SHC4: variants seen among roughly 807,000 people sequenced by gnomAD.
The protein encoded by SHC4 is SHC adaptor protein 4, also known as SHC-transforming protein 4.
Under a neutral mutation model 69.4 loss-of-function variants are expected in SHC4, and 41 were observed. The observed-to-expected ratio is 0.59, with a 90% CI of 0.46 to 0.77. The LOEUF is 0.77. Among genes scored for constraint, SHC4 ranks in the 30% least tolerant of loss-of-function variants. SHC4 has a pLI of 0.00. For missense variants in SHC4, 777 were observed against 783.8 expected (o/e 0.99, Z 0.10); for synonymous variants, 318 against 299.3 (o/e 1.06, Z -0.64).
chr15:48,872,692 G>C (rs1008369279), intron 4 of SHC4, among the ~76,000 whole-genome samples: 30 of 152,154 alleles, frequency 2.0e-4, no homozygotes, highest in African/African-American at 6.5e-4. Context: ...AAGTTAGTTT[G>C]AATTTGATTT....
At chr15:48,953,583 G>A (rs1036252749) in intron 1 of SHC4, among the ~76,000 whole-genome samples, 1 of 152,126 alleles carries the variant, frequency 6.6e-6, no homozygotes, top group African/African-American at 2.4e-5. Context: ...TCATTGTGAG[G>A]TAATTGATGC....
chr15:48,826,573 C>T (rs1402713057), intron 11 of SHC4, among the ~76,000 whole-genome samples: 1 of 152,152 alleles, frequency 6.6e-6, no homozygotes, highest in Non-Finnish European at 1.5e-5. Flanking sequence ...TTCCTCATTA[C>T]CATTTTAAAG....
chr15:48,882,036 G>C lies in SHC4; in HGVS notation c.840+2212C>G, dbSNP rs544084939. ...GTCCAAAGCATATCTTAGAAATTAA[G>C]TGGGGATGGGGAAGGCATTAGTATT... On this transcript the variant is annotated intron_variant, in intron 4 of 11. Transcript: ENST00000332408. 4.3e-4 allele frequency among the ~76,000 whole-genome samples: 66 copies of C among 152,252 alleles called. 2 individuals carry two copies. In the South Asian group the frequency reaches 0.011, roughly 25 times the overall value.
intron 1 of SHC4, among the ~76,000 whole-genome samples, chr15:48,942,213 T>A (rs1340951391): frequency 6.6e-6 from 1 of 152,274 alleles, no homozygotes; most frequent in Middle Eastern, 3.4e-3. Flanking sequence ...ATAAAAACTT[T>A]GTGATGGACG....
At position 48,916,139 on chromosome 15, in the gene SHC4, T is replaced by G. The variant is rs561882314; in HGVS notation, c.656+8740A>C. On this transcript the variant is annotated intron_variant, in intron 2 of 11. Transcript: ENST00000332408. ...GTTTTCAAACATATCTTAATTTAGCTACCTAATATACAGATATTTGACCTC... is the reference window on the plus strand; with the variant it reads ...GTTTTCAAACATATCTTAATTTAGCGACCTAATATACAGATATTTGACCTC... 7.7e-4 allele frequency among the ~76,000 whole-genome samples: 117 copies of G among 152,300 alleles called. 1 individual carries two copies. Among genetic ancestry groups the G allele is most frequent in the Non-Finnish European group, 1.5e-3 (103 of 68,028 alleles).
chr15:48,915,988 C>T (rs2141019457), intron 2 of SHC4, among the ~76,000 whole-genome samples: 1 of 152,262 alleles, frequency 6.6e-6, no homozygotes, highest in African/African-American at 2.4e-5. Flanking sequence ...CAAGTCAACA[C>T]AGAATCCACA....
intron 2 of SHC4, among the ~76,000 whole-genome samples, chr15:48,913,078 C>T (rs1363215254): frequency 6.6e-6 from 1 of 151,938 alleles, no homozygotes; most frequent in East Asian, 1.9e-4. Context: ...TGGCCTCCTG[C>T]CAGGAGGTGG....
chr15:48,855,772 T>C (rs1020617374), intron 8 of SHC4, among the ~76,000 whole-genome samples, 181 bp downstream of exon 8: 3 of 151,990 alleles, frequency 2.0e-5, no homozygotes, highest in Non-Finnish European at 2.9e-5. Context: ...GAGGCTACAA[T>C]TGGGGGATTA....
intron 6 of SHC4, among the ~76,000 whole-genome samples, chr15:48,865,148 T>C (rs1465517988): frequency 6.6e-6 from 1 of 152,246 alleles, no homozygotes. Context: ...TCTTGCTAAA[T>C]GATAATACCA....
At chr15:48,916,273 TCACACACACACACACACACACACACA>T in intron 2 of SHC4, among the ~76,000 whole-genome samples, 1 of 142,548 alleles carries the variant, frequency 7.0e-6, no homozygotes, top group East Asian at 2.1e-4. Flanking sequence ...TGATGGTTGC[TCACACACACACACACACACACACACA>T]CACACACACA....
chr15:48,848,655 T>C (rs1899144360), intron 9 of SHC4, among the ~76,000 whole-genome samples: 1 of 152,194 alleles, frequency 6.6e-6, no homozygotes, highest in South Asian at 2.1e-4. Context: ...TAGGGAAATA[T>C]ATATGTAAAT....
intron 4 of SHC4, among the ~76,000 whole-genome samples, chr15:48,883,381 C>T (rs1899978745): frequency 6.6e-6 from 1 of 152,108 alleles, no homozygotes; most frequent in African/African-American, 2.4e-5. Flanking sequence ...TAGTAAGTGG[C>T]AAAGCCAGCA....
chr15:48,943,337 A>C (rs34021083), intron 1 of SHC4, among the ~76,000 whole-genome samples: 27,668 of 152,138 alleles, frequency 0.18, 3,157 homozygotes, highest in Non-Finnish European at 0.25. Context: ...TCCACATATA[A>C]GTGAAATCAT....
intron 3 of SHC4, among the ~76,000 whole-genome samples, chr15:48,887,588 T>G (rs1900058340): frequency 6.6e-6 from 1 of 151,730 alleles, no homozygotes; most frequent in South Asian, 2.1e-4. Context: ...AACCTAACAT[T>G]GTAACTTAAG....
chr15:48,829,739 T>G (rs1183284397), intron 11 of SHC4, among the ~76,000 whole-genome samples: 1 of 152,108 alleles, frequency 6.6e-6, no homozygotes, highest in African/African-American at 2.4e-5. Context: ...GCGGACATGG[T>G]GAAACCTCGT....
intron 4 of SHC4, among the ~76,000 whole-genome samples, chr15:48,881,207 A>G (rs181925411): frequency 1.3e-5 from 2 of 152,186 alleles, no homozygotes; most frequent in East Asian, 1.9e-4. Flanking sequence ...CCACAGATCT[A>G]TTTTGTTTGG....
chr15:48,920,843 G>T (rs534564771), intron 2 of SHC4, among the ~76,000 whole-genome samples: 1 of 152,188 alleles, frequency 6.6e-6, no homozygotes, highest in East Asian at 1.9e-4. Context: ...CAGCACTTTG[G>T]AAGTCTGAGG....
chr15:48,856,059 G>A lies in SHC4; in HGVS notation c.1136C>T (p.Pro379Leu), dbSNP rs746098551. Residue 379 changes from proline to leucine, a missense_variant, in exon 8 of 12, where the codon CCA becomes CTA. Pro to Leu is a moderately conservative substitution (Grantham distance 98, BLOSUM62 -3). Coordinates refer to ENST00000332408, the MANE Select transcript of SHC4 (RefSeq NM_203349.4). Reference sequence around the variant, plus strand: ...ACCACCTACTGGTGGCTGCTTCCCTGGAATTTCATTGTAATATTCATGATC... The same window carrying A: ...ACCACCTACTGGTGGCTGCTTCCCTAGAATTTCATTGTAATATTCATGATC... The part of the protein sequence containing the change: ...REDHEYYNEI[P>L]GKQPPVGGVS... 8.1e-6 allele frequency: 13 copies of A among 1,613,764 alleles called. No individual in the cohort carries two copies. The highest frequency in any genetic ancestry group is 1.1e-5 in the Non-Finnish European group (13 of 1,179,828).
Position 48,825,549 on chromosome 15 carries a change from T to C in SHC4, c.*422A>G, listed in dbSNP as rs1054751880. 6.5e-6 allele frequency: 1 copy of C among 154,848 alleles called. No homozygotes were observed. The highest frequency in any genetic ancestry group is 1.4e-5 in the Non-Finnish European group (1 of 69,644). The allele number at this position is 154,848 out of a possible 1,614,324, so 9.6% of individuals were successfully genotyped here. On this transcript the variant is annotated 3_prime_UTR_variant, in exon 12 of 12. Coordinates refer to ENST00000332408, the MANE Select transcript of SHC4 (RefSeq NM_203349.4). ...CTTTTTTTTTTGGCAAATGGTTCTA[T>C]AGTCATAGAACATGAAGATACTTAG...
Sources: allele counts gnomAD v4.1 joint callset (sites outside exome capture counted in the v4.1 genomes callset), GRCh38; gene constraint gnomAD v4.1.1; transcripts MANE v1.5; gene names NCBI Gene and HGNC (gene_info 2026-07-23, HGNC 2026-07-21).